The following PDZRN3 variants were observed in gnomAD, a reference collection of about 807,000 sequenced individuals.
The protein encoded by PDZRN3 is E3 ubiquitin-protein ligase PDZRN3.
Under a neutral mutation model 85.7 loss-of-function variants are expected in PDZRN3, and 38 were observed. The observed-to-expected ratio is 0.44, with a 90% CI of 0.34 to 0.58. PDZRN3 has a LOEUF of 0.58. Ranked by LOEUF, PDZRN3 falls within the 20% of genes least tolerant of loss-of-function variation. The probability of loss-of-function intolerance (pLI) is 0.01; values close to 1 mark genes in which losing one functional copy is unlikely to be tolerated. For synonymous variants in PDZRN3, 759 were observed against 638.0 expected, an observed-to-expected ratio of 1.19 and a Z score of -2.86; for missense variants, 1,629 against 1,506.4, an observed-to-expected ratio of 1.08 and a Z score of -1.35.
chr3:73,606,564 A>T (rs1432880171), intron 2 of PDZRN3, among the ~76,000 whole-genome samples: 3 of 152,138 alleles, frequency 2.0e-5, no homozygotes, highest in Admixed American at 6.5e-5. Context: ...ATAAAAATAT[A>T]CCAACCTCAC....
At chr3:73,580,607 G>T (rs373205033) in intron 3 of PDZRN3, among the ~76,000 whole-genome samples, 1 of 152,192 alleles carries the variant, frequency 6.6e-6, no homozygotes, top group Non-Finnish European at 1.5e-5. Flanking sequence ...TTGACATAAA[G>T]AGGAGAAGGC....
At chr3:73,389,996 C>G in intron 6 of PDZRN3, 118 bp from the exon 7 acceptor site, 3 of 770,650 alleles carry the variant, frequency 3.9e-6, no homozygotes, top group Non-Finnish European at 6.9e-6. Context: ...CTGTTTTGCA[C>G]AGAAATAAAC....
At chr3:73,572,751 G>C (rs1297720468) in intron 3 of PDZRN3, among the ~76,000 whole-genome samples, 1 of 152,176 alleles carries the variant, frequency 6.6e-6, no homozygotes, top group East Asian at 1.9e-4. Flanking sequence ...GAGGCAGAGG[G>C]AGTAGCTTTA....
intron 3 of PDZRN3, among the ~76,000 whole-genome samples, chr3:73,478,010 A>G (rs1410646889): frequency 6.6e-6 from 1 of 152,214 alleles, no homozygotes; most frequent in Non-Finnish European, 1.5e-5. Flanking sequence ...GGTCCCTCCC[A>G]AGAAACACGG....
At chr3:73,530,165 G>T (rs928630192) in intron 3 of PDZRN3, among the ~76,000 whole-genome samples, 2 of 152,190 alleles carry the variant, frequency 1.3e-5, no homozygotes, top group African/African-American at 4.8e-5. Flanking sequence ...CACCACAGTG[G>T]TTCTGTTGAT....
intron 3 of PDZRN3, among the ~76,000 whole-genome samples, chr3:73,457,418 G>T (rs934272587): frequency 2.6e-5 from 4 of 152,098 alleles, no homozygotes; most frequent in Non-Finnish European, 5.9e-5. Flanking sequence ...CTGGAGTAGA[G>T]AAACAGTGTT....
At chr3:73,453,760 C>T (rs981378782) in intron 3 of PDZRN3, among the ~76,000 whole-genome samples, 12 of 152,096 alleles carry the variant, frequency 7.9e-5, no homozygotes, top group African/African-American at 2.9e-4. Flanking sequence ...TTCTGAAAAC[C>T]TCACACACAC....
chr3:73,536,302 C>A (rs185731888), intron 3 of PDZRN3, among the ~76,000 whole-genome samples: 3 of 152,376 alleles, frequency 2.0e-5, no homozygotes, highest in Non-Finnish European at 2.9e-5. Flanking sequence ...TCCATATTCT[C>A]CTGGTGTCCT....
chr3:73,536,823 C>T (rs1575718950), intron 3 of PDZRN3, among the ~76,000 whole-genome samples: 2 of 151,980 alleles, frequency 1.3e-5, no homozygotes, highest in African/African-American at 4.8e-5. Flanking sequence ...GATCAAGTGG[C>T]TTTACTTCTG....
Position 73,383,704 on chromosome 3 carries a change from G to T in PDZRN3, c.2862C>A (p.Arg954=). The change falls in exon 10 of 10, where the codon CGC becomes CGA. Residue 954 remains arginine, a synonymous_variant. Coordinates refer to ENST00000263666, the MANE Select transcript of PDZRN3 (RefSeq NM_015009.3). ...CGTCGTCGTCGGTGGTCATGCCGCT[G>T]CGCTCTTCCCGGATCTTCAGGGCGC... is the stretch of plus-strand genomic sequence containing the variant. The part of the protein sequence containing the change: ...RERALKIREE[R]SGMTTDDDAV... 1 of 1,611,486 alleles carries T rather than the reference G, an allele frequency of 6.2e-7. No individual in the cohort carries two copies.
At chr3:73,580,042 C>A (rs1413175068) in intron 3 of PDZRN3, among the ~76,000 whole-genome samples, 4 of 152,090 alleles carry the variant, frequency 2.6e-5, no homozygotes, top group Non-Finnish European at 5.9e-5. Flanking sequence ...CTCAGACTCC[C>A]AAGTCTCCAT....
intron 3 of PDZRN3, among the ~76,000 whole-genome samples, chr3:73,526,744 G>A (rs1429816677): frequency 6.6e-6 from 1 of 152,166 alleles, no homozygotes; most frequent in Non-Finnish European, 1.5e-5. Context: ...CTGGAGTGCA[G>A]TGGGGTGATC....
intron 5 of PDZRN3, among the ~76,000 whole-genome samples, chr3:73,391,814 G>C (rs1477283920): frequency 6.6e-6 from 1 of 152,182 alleles, no homozygotes; most frequent in Non-Finnish European, 1.5e-5. Flanking sequence ...AGGGCTCTCA[G>C]TGTAACCAGG....
intron 3 of PDZRN3, among the ~76,000 whole-genome samples, chr3:73,575,607 G>A (rs1186398894): frequency 6.6e-6 from 1 of 152,210 alleles, no homozygotes; most frequent in Non-Finnish European, 1.5e-5. Context: ...ATAGACAAAT[G>A]TGAACTTTAT....
At position 73,441,563 on chromosome 3, in the gene PDZRN3, G is replaced by C. The variant is rs1052404758; in HGVS notation, c.919-37168C>G. Among the ~76,000 whole-genome samples, 3 of 152,192 alleles carry C rather than the reference G, an allele frequency of 2.0e-5. No homozygotes were observed. In the South Asian group the frequency reaches 6.2e-4, roughly 32 times the overall value. ...GTTCTTTGACACTTGGTGATGATAC[G>C]GTCAGGACGAAGTATTTCTCTTACC... On this transcript the variant is annotated intron_variant, in intron 3 of 9. Coordinates refer to ENST00000263666, the MANE Select transcript of PDZRN3 (RefSeq NM_015009.3).
At chr3:73,573,811 CTATACATATACATATACATATACA>C (rs60904712) in intron 3 of PDZRN3, among the ~76,000 whole-genome samples, 36 of 149,244 alleles carry the variant, frequency 2.4e-4, no homozygotes, top group East Asian at 7.9e-4. Context: ...ACACATACAC[CTATACATATACATATACATATACA>C]TATACATATA....
intron 3 of PDZRN3, among the ~76,000 whole-genome samples, chr3:73,415,586 G>A (rs550380720): frequency 6.6e-6 from 1 of 152,146 alleles, no homozygotes; most frequent in East Asian, 1.9e-4. Context: ...TGCACTTTCG[G>A]TATCCACATA....
chr3:73,488,170 A>G (rs1022092955), intron 3 of PDZRN3, among the ~76,000 whole-genome samples: 1 of 152,208 alleles, frequency 6.6e-6, no homozygotes, highest in Non-Finnish European at 1.5e-5. Context: ...CAAATGAACT[A>G]AAATGTAAAT....
Position 73,531,788 on chromosome 3 carries a change from T to A in PDZRN3, c.918+70566A>T, listed in dbSNP as rs150190140. Among the ~76,000 whole-genome samples, 15 of 152,324 alleles carry A rather than the reference T, an allele frequency of 9.8e-5. 1 individual carries two copies. The East Asian group carries it at 2.9e-3, about 29-fold the overall frequency. ...AGCCTAATGTCTAGACCGAGTGTCA[T>A]CAATACTTTAGCTGCATTCAGGGTT... On this transcript the variant is annotated intron_variant, in intron 3 of 9. Transcript: ENST00000263666.
Sources: gnomAD v4.1 joint callset for allele counts (sites outside exome capture counted in the v4.1 genomes callset) on GRCh38, gnomAD v4.1.1 for gene constraint, MANE v1.5 for transcripts, NCBI Gene and HGNC (gene_info 2026-07-23, HGNC 2026-07-21) for gene names.